Variants in GRID2 observed in about 807,000 individuals in gnomAD.
The protein encoded by GRID2 is glutamate ionotropic receptor delta type subunit 2, also known as glutamate receptor ionotropic, delta-2.
Under a neutral mutation model 114.8 loss-of-function variants are expected in GRID2, and 33 were observed. The observed-to-expected ratio is 0.29, with a 90% CI of 0.22 to 0.38. GRID2 has a LOEUF of 0.38. Ranked by LOEUF, GRID2 falls within the 10% of genes least tolerant of loss-of-function variation. The pLI, the probability that GRID2 is intolerant of heterozygous loss-of-function variation, is 1.00. For synonymous variants in GRID2, 505 were observed against 449.9 expected (o/e 1.12, Z -1.55); for missense variants, 1,184 against 1,257.7 (o/e 0.94, Z 0.89).
intron 8 of GRID2, among the ~76,000 whole-genome samples, chr4:93,352,986 T>C (rs1306761413): frequency 6.6e-6 from 1 of 151,794 alleles, no homozygotes; most frequent in Non-Finnish European, 1.5e-5. Context: ...TAAAGCGGAG[T>C]TGTGAAGAGC....
chr4:93,460,852 T>A (rs1239298572), intron 11 of GRID2, among the ~76,000 whole-genome samples: 1 of 151,484 alleles, frequency 6.6e-6, no homozygotes, highest in Non-Finnish European at 1.5e-5. Context: ...AAGAAATTTA[T>A]CTGTAATGTC....
chr4:93,449,252 C>A (rs1447920499), intron 10 of GRID2, among the ~76,000 whole-genome samples: 1 of 151,740 alleles, frequency 6.6e-6, no homozygotes, highest in East Asian at 2.0e-4. Flanking sequence ...AAATGTGTGC[C>A]AAAACTCTTC....
chr4:92,923,516 C>G (rs1749539826), intron 2 of GRID2, among the ~76,000 whole-genome samples: 1 of 152,008 alleles, frequency 6.6e-6, no homozygotes, highest in Non-Finnish European at 1.5e-5. Context: ...ATAAAAAAAT[C>G]ACTTTATTCT....
chr4:93,605,833 G>A (rs746625960), intron 13 of GRID2, among the ~76,000 whole-genome samples: 3 of 152,166 alleles, frequency 2.0e-5, no homozygotes, highest in Non-Finnish European at 4.4e-5. Flanking sequence ...TGCTGCTTTA[G>A]GAGTAAATAC....
At chr4:93,182,558 T>C (rs1363988258) in intron 4 of GRID2, among the ~76,000 whole-genome samples, 1 of 152,200 alleles carries the variant, frequency 6.6e-6, no homozygotes, top group Non-Finnish European at 1.5e-5. Context: ...GAAATAGTGG[T>C]TTAAAGATAA....
chr4:92,398,337 G>A (rs572489885), intron 1 of GRID2, among the ~76,000 whole-genome samples: 1 of 152,214 alleles, frequency 6.6e-6, no homozygotes, highest in East Asian at 1.9e-4. Context: ...TTTGAAACCT[G>A]TTGCCCAGAC....
At chr4:93,170,618 A>T (rs185337893) in intron 4 of GRID2, among the ~76,000 whole-genome samples, 121 of 152,306 alleles carry the variant, frequency 7.9e-4, no homozygotes, top group African/African-American at 2.8e-3. Context: ...CCCAAATTCT[A>T]TACATCAAAC....
At chr4:93,785,035 G>A (rs1003820536) in intron 1 of GRID2, among the ~76,000 whole-genome samples, 3 of 152,190 alleles carry the variant, frequency 2.0e-5, no homozygotes, top group Admixed American at 2.0e-4. Context: ...ATAGACTAGA[G>A]AAAGACTTTT....
At chr4:92,879,149 T>A (rs931533069) in intron 2 of GRID2, among the ~76,000 whole-genome samples, 2 of 152,160 alleles carry the variant, frequency 1.3e-5, no homozygotes, top group Admixed American at 6.5e-5. Flanking sequence ...AAAAAAGATA[T>A]AAAATATGGT....
In GRID2 at chr4:92,691,661, A is replaced by G. The variant is rs142517559; in HGVS notation, c.244+101375A>G. ...TCTCTGGGCTGGGGCCCAAAATCTT[A>G]CTTTAATAATCCACATAAATGTGTT... On this transcript the variant is annotated intron_variant, in intron 2 of 15. Coordinates refer to ENST00000282020, the MANE Select transcript of GRID2 (RefSeq NM_001510.4). Among the ~76,000 whole-genome samples the G allele has an allele frequency of 2.5e-3, 379 of 152,352 alleles. 2 individuals are homozygous for G. The highest frequency in any genetic ancestry group is 8.9e-3 in the African/African-American group (371 of 41,582).
intron 13 of GRID2, among the ~76,000 whole-genome samples, chr4:93,599,338 C>T (rs976679445): frequency 4.1e-4 from 63 of 152,170 alleles, no homozygotes; most frequent in African/African-American, 1.4e-3. Context: ...AAAAGTGTTT[C>T]ACCTACAATT....
intron 8 of GRID2, among the ~76,000 whole-genome samples, chr4:93,274,567 G>T (rs55687098): frequency 1.3e-5 from 2 of 152,046 alleles, no homozygotes; most frequent in African/African-American, 4.8e-5. Flanking sequence ...ATTTCTACAA[G>T]GTTTTAGGTA....
At chr4:93,159,874 T>G (rs1031107738) in intron 4 of GRID2, among the ~76,000 whole-genome samples, 2 of 151,706 alleles carry the variant, frequency 1.3e-5, no homozygotes, top group Admixed American at 1.3e-4. Flanking sequence ...TAGAATTAAT[T>G]CCATTATTTA....
intron 2 of GRID2, among the ~76,000 whole-genome samples, chr4:92,646,740 A>T (rs1731651754): frequency 6.6e-6 from 1 of 152,248 alleles, no homozygotes; most frequent in Non-Finnish European, 1.5e-5. Context: ...TCATGAACAT[A>T]AGTATCCTTG....
At chr4:92,821,053 TAAAG>T (rs71955750) in intron 2 of GRID2, among the ~76,000 whole-genome samples, 6,084 of 152,174 alleles carry the variant, frequency 0.04, 177 homozygotes, top group East Asian at 0.12. Flanking sequence ...AACACAGTGA[TAAAG>T]AAATTGATAC....
At chr4:93,420,869 G>A (rs1326768513) in intron 9 of GRID2, among the ~76,000 whole-genome samples, 1 of 151,808 alleles carries the variant, frequency 6.6e-6, no homozygotes, top group African/African-American at 2.4e-5. Flanking sequence ...TTCTCCGGCT[G>A]CAGCCTCCCA....
At position 92,442,357 on chromosome 4, in the gene GRID2, C is replaced by T. The variant is rs1398750045; in HGVS notation, c.88+137613C>T. Among the ~76,000 whole-genome samples the T allele has an allele frequency of 6.6e-5, 10 of 152,068 alleles. No homozygotes were observed. In the South Asian group the frequency reaches 8.4e-4, roughly 13 times the overall value. ...TCAGTGGGGTCCTACACAGATGGGA[C>T]ACGGCTTAGGAGGAATTCCGGGCTG... On this transcript the variant is annotated intron_variant, in intron 1 of 15. Coordinates refer to ENST00000282020, the MANE Select transcript of GRID2 (RefSeq NM_001510.4).
At chr4:92,559,608 G>A (rs879598290) in intron 1 of GRID2, among the ~76,000 whole-genome samples, 31 of 152,128 alleles carry the variant, frequency 2.0e-4, no homozygotes, top group Admixed American at 2.6e-4. Flanking sequence ...CAAGGTATGA[G>A]TCAAAGATAT....
At chr4:93,337,095 A>G (rs1759168576) in intron 8 of GRID2, among the ~76,000 whole-genome samples, 1 of 152,206 alleles carries the variant, frequency 6.6e-6, no homozygotes, top group Non-Finnish European at 1.5e-5. Flanking sequence ...CAATTCTTGT[A>G]ATTTTATAAC....
Sources: allele counts gnomAD v4.1 joint callset (sites outside exome capture counted in the v4.1 genomes callset), GRCh38; gene constraint gnomAD v4.1.1; transcripts MANE v1.5; gene names NCBI Gene and HGNC (gene_info 2026-07-23, HGNC 2026-07-21).